The following SVOPL variants were observed in gnomAD, a reference collection of about 807,000 sequenced individuals.
SVOPL encodes the protein SVOP like.
In SVOPL, 60 loss-of-function variants were observed where a neutral mutation model predicts 61.0. That is an observed-to-expected ratio of 0.98 (90% CI 0.80 to 1.22). The LOEUF is 1.22. Among genes scored for constraint, SVOPL ranks in the 50% most tolerant of loss-of-function variants. The pLI, the probability that SVOPL is intolerant of heterozygous loss-of-function variation, is 0.00. For synonymous variants in SVOPL, 279 were observed against 250.0 expected (o/e 1.12, Z -1.09); for missense variants, 662 against 643.9 (o/e 1.03, Z -0.30).
At chr7:138,681,214 A>T (rs972549012) in intron 1 of SVOPL, among the ~76,000 whole-genome samples, 2 of 147,236 alleles carry the variant, frequency 1.4e-5, no homozygotes, top group African/African-American at 2.5e-5. Context: ...ATAATAAATT[A>T]ACAAATATTA....
At chr7:138,630,855 A>C (rs1050970877) in intron 9 of SVOPL, among the ~76,000 whole-genome samples, 7 of 151,990 alleles carry the variant, frequency 4.6e-5, no homozygotes, top group African/African-American at 1.7e-4. Context: ...AGGCAGGAGA[A>C]TCACTTGAAC....
intron 3 of SVOPL, among the ~76,000 whole-genome samples, chr7:138,674,305 G>A (rs1351410895): frequency 1.3e-5 from 2 of 151,850 alleles, no homozygotes; most frequent in African/African-American, 2.4e-5. Context: ...ACCGTCACAC[G>A]AGGCCCGGAA....
At chr7:138,649,895 A>G (rs1052272076) in intron 7 of SVOPL, among the ~76,000 whole-genome samples, 3 of 152,024 alleles carry the variant, frequency 2.0e-5, no homozygotes, top group African/African-American at 7.2e-5. Flanking sequence ...GCAGTGGCAC[A>G]ATCTCAGCTC....
At chr7:138,672,904 C>CAAAAAA (rs71179720) in intron 3 of SVOPL, among the ~76,000 whole-genome samples, 6 of 103,730 alleles carry the variant, frequency 5.8e-5, no homozygotes, top group Non-Finnish European at 8.5e-5. Flanking sequence ...GTTTGTCTCT[C>CAAAAAA]AAAAAAAAAA....
intron 9 of SVOPL, among the ~76,000 whole-genome samples, chr7:138,631,960 T>TCACACACACACACACA (rs756332176): frequency 0.021 from 3,099 of 146,930 alleles, 54 homozygotes; most frequent in African/African-American, 0.034. Flanking sequence ...TGCTCTGATA[T>TCACACACACACACACA]CACACACACA....
chr7:138,663,621 C>T (rs1313747416), intron 4 of SVOPL: 20 of 985,336 alleles, frequency 2.0e-5, no homozygotes, highest in Non-Finnish European at 2.4e-5. Flanking sequence ...TAAGATACAC[C>T]TACTTCTTTT....
intron 14 of SVOPL, among the ~76,000 whole-genome samples, chr7:138,604,733 A>C (rs567108557): frequency 1.3e-5 from 2 of 151,444 alleles, no homozygotes; most frequent in East Asian, 3.9e-4. Context: ...ACAATGAACT[A>C]TTCTTCCAAT....
intron 8 of SVOPL, among the ~76,000 whole-genome samples, chr7:138,648,743 C>T (rs1321065445): frequency 2.7e-5 from 4 of 150,812 alleles, no homozygotes; most frequent in African/African-American, 2.4e-5. Context: ...TGCACTCCAG[C>T]CTGGGGAGAC....
At chr7:138,657,407 G>T (rs1801800439) in intron 6 of SVOPL, among the ~76,000 whole-genome samples, 1 of 152,010 alleles carries the variant, frequency 6.6e-6, no homozygotes, top group Non-Finnish European at 1.5e-5. Flanking sequence ...TTCCTAAAGG[G>T]CTGGGATTAT....
intron 7 of SVOPL, among the ~76,000 whole-genome samples, chr7:138,653,976 T>C (rs542427693): frequency 2.1e-5 from 3 of 141,118 alleles, no homozygotes; most frequent in Admixed American, 7.0e-5. Flanking sequence ...AAAGAAAAAA[T>C]ACAAAAGTTA....
intron 4 of SVOPL, chr7:138,664,286 G>A: frequency 1.0e-6 from 1 of 972,668 alleles, no homozygotes; most frequent in Non-Finnish European, 1.2e-6. Context: ...GCTCCCATCG[G>A]GCACGCGCCT....
At chr7:138,677,743 CTTT>C (rs34687538) in intron 3 of SVOPL, among the ~76,000 whole-genome samples, 3,883 of 134,744 alleles carry the variant, frequency 0.029, 72 homozygotes, top group Non-Finnish European at 0.039. Flanking sequence ...TCTACACAAT[CTTT>C]TTTTTTTTTT....
chr7:138,629,177 G>A (rs1045727426), intron 10 of SVOPL, among the ~76,000 whole-genome samples: 1 of 142,476 alleles, frequency 7.0e-6, no homozygotes, highest in African/African-American at 2.6e-5. Context: ...ATAATTTGCT[G>A]GAAATATACA....
rs139338246 is a variant in SVOPL, at chr7:138,659,869, C to G, written c.465G>C (p.Ser155=). The G allele has an allele frequency of 6.4e-7, 1 of 1,551,286 alleles. No individual in the cohort carries two copies. Among genetic ancestry groups the G allele is most frequent in the Non-Finnish European group, 8.7e-7 (1 of 1,146,936 alleles). Residue 155 remains serine (S), a synonymous_variant, in exon 6 of 16, where the codon TCG becomes TCC. Transcript: ENST00000674285. ...TMVGCGVSGH[S]QGLIIKTEFL... ...CCCCTGGGTAACATATTTACCCTTG[C>G]GAGTGGCCGGACACACCACAGCCCA...
At chr7:138,621,910 CTATCTATG>C (rs201876572) in intron 13 of SVOPL, among the ~76,000 whole-genome samples, 723 of 68,502 alleles carry the variant, frequency 0.011, 105 homozygotes, top group African/African-American at 0.024. Context: ...ATCTATGTAT[CTATCTATG>C]TATCTATCTA....
intron 4 of SVOPL, among the ~76,000 whole-genome samples, chr7:138,668,619 T>G (rs755252487): frequency 1.3e-4 from 20 of 152,120 alleles, no homozygotes; most frequent in Non-Finnish European, 2.6e-4. Context: ...GGCAATACCA[T>G]GCATTATCTG....
intron 7 of SVOPL, among the ~76,000 whole-genome samples, chr7:138,654,182 CAGAAG>C (rs1230733594): frequency 1.3e-5 from 2 of 149,854 alleles, no homozygotes; most frequent in African/African-American, 4.9e-5. Context: ...AATAAACACT[CAGAAG>C]AAATAAGTCC....
At chr7:138,696,386 A>T (rs1459779810) in intron 1 of SVOPL, among the ~76,000 whole-genome samples, 1 of 151,704 alleles carries the variant, frequency 6.6e-6, no homozygotes, top group African/African-American at 2.4e-5. Flanking sequence ...GCACACTCCC[A>T]TGCCTGGCTA....
intron 14 of SVOPL, among the ~76,000 whole-genome samples, chr7:138,606,293 T>G (rs549013891): frequency 2.9e-4 from 44 of 151,908 alleles, no homozygotes; most frequent in Middle Eastern, 3.4e-3. Context: ...AGGGGTGAGG[T>G]TGGAGAGAAA....
Sources: allele counts gnomAD v4.1 joint callset (sites outside exome capture counted in the v4.1 genomes callset), GRCh38; gene constraint gnomAD v4.1.1; transcripts MANE v1.5; gene names NCBI Gene and HGNC (gene_info 2026-07-23, HGNC 2026-07-21).